The following TOGARAM1 variants were observed in gnomAD, a reference collection of about 807,000 sequenced individuals.
TOGARAM1 encodes TOG array regulator of axonemal microtubules 1.
Under a neutral mutation model 166.6 loss-of-function variants are expected in TOGARAM1, and 100 were observed. The observed-to-expected ratio is 0.60, with a 90% CI of 0.51 to 0.71. The LOEUF is 0.71. Among genes scored for constraint, TOGARAM1 ranks in the 30% least tolerant of loss-of-function variants. The pLI, the probability that TOGARAM1 is intolerant of heterozygous loss-of-function variation, is 0.00. For synonymous variants in TOGARAM1, 758 were observed against 763.8 expected (o/e 0.99, Z 0.13); for missense variants, 2,029 against 2,102.7 (o/e 0.96, Z 0.69).
intron 1 of TOGARAM1, among the ~76,000 whole-genome samples, chr14:44,976,567 G>C (rs1886202353): frequency 6.6e-6 from 1 of 152,160 alleles, no homozygotes; most frequent in South Asian, 2.1e-4. Flanking sequence ...GGAGGCACTT[G>C]AAGATGTTTG....
At chr14:45,000,265 C>T (rs1219239255) in intron 3 of TOGARAM1, among the ~76,000 whole-genome samples, 2 of 152,166 alleles carry the variant, frequency 1.3e-5, no homozygotes, top group Non-Finnish European at 2.9e-5. Flanking sequence ...TCCCAAAGCA[C>T]TGGGATTATA....
chr14:45,071,127 G>A (rs1301942875), intron 18 of TOGARAM1, among the ~76,000 whole-genome samples: 1 of 151,926 alleles, frequency 6.6e-6, no homozygotes, highest in Non-Finnish European at 1.5e-5. Flanking sequence ...TCACTGTGCT[G>A]GCCAGGATGG....
At chr14:45,069,440 C>T (rs369403896) in intron 18 of TOGARAM1, among the ~76,000 whole-genome samples, 5 of 151,314 alleles carry the variant, frequency 3.3e-5, no homozygotes, top group Admixed American at 6.6e-5. Flanking sequence ...ATTTTCAAAC[C>T]GCATATTTGA....
chr14:45,026,093 G>A (rs1008961550), intron 8 of TOGARAM1, among the ~76,000 whole-genome samples: 4 of 152,080 alleles, frequency 2.6e-5, no homozygotes, highest in African/African-American at 9.7e-5. Context: ...AATTTTCAGA[G>A]AGATGTATTA....
chr14:45,042,339 T>C (rs1881766911), intron 11 of TOGARAM1: 1 of 151,988 alleles, frequency 6.6e-6, no homozygotes, highest in Non-Finnish European at 1.5e-5. Flanking sequence ...TTACCAAAAA[T>C]TGTAACTCTT....
intron 18 of TOGARAM1, among the ~76,000 whole-genome samples, chr14:45,070,218 G>A (rs1322034715): frequency 1.3e-5 from 2 of 152,068 alleles, no homozygotes; most frequent in East Asian, 1.9e-4. Context: ...TCATGTCCAC[G>A]TGGAATTTAT....
intron 3 of TOGARAM1, among the ~76,000 whole-genome samples, chr14:45,000,384 C>T (rs1022314377): frequency 6.6e-6 from 1 of 152,146 alleles, no homozygotes; most frequent in African/African-American, 2.4e-5. Flanking sequence ...TACCATCATT[C>T]TGCTCTCTAC....
At chr14:45,057,745 G>C (rs533215973) in intron 16 of TOGARAM1, among the ~76,000 whole-genome samples, 1 of 152,032 alleles carries the variant, frequency 6.6e-6, no homozygotes, top group African/African-American at 2.4e-5. Flanking sequence ...TATTTGTATA[G>C]TTCCTAAATT....
At chr14:45,036,717 C>T (rs1259422978) in intron 11 of TOGARAM1, among the ~76,000 whole-genome samples, 1 of 152,172 alleles carries the variant, frequency 6.6e-6, no homozygotes. Flanking sequence ...AAAGTATCAG[C>T]CAGGGATGTG....
intron 1 of TOGARAM1, chr14:44,995,377 A>G (rs1426993318): frequency 2.3e-6 from 1 of 430,382 alleles, no homozygotes; most frequent in East Asian, 7.0e-5. Context: ...GTGACCTTCA[A>G]CTGGCACTTA....
intron 16 of TOGARAM1, among the ~76,000 whole-genome samples, chr14:45,066,189 T>G (rs1883130072): frequency 6.6e-6 from 1 of 152,258 alleles, no homozygotes; most frequent in South Asian, 2.1e-4. Context: ...ATTTCACATA[T>G]GTTGTCATAA....
chr14:45,034,853 G>A (rs1457117212), intron 11 of TOGARAM1, among the ~76,000 whole-genome samples: 1 of 152,074 alleles, frequency 6.6e-6, no homozygotes, highest in African/African-American at 2.4e-5. Context: ...AGAGAAGCAG[G>A]AAAATATAAC....
chr14:45,025,469 C>G (rs1043164967), intron 7 of TOGARAM1: 3 of 192,466 alleles, frequency 1.6e-5, no homozygotes, highest in Admixed American at 1.2e-4. Context: ...GAGGCTGAGG[C>G]AGGAGAATCG....
intron 6 of TOGARAM1, among the ~76,000 whole-genome samples, chr14:45,011,022 C>G (rs957437861): frequency 6.6e-6 from 1 of 152,126 alleles, no homozygotes; most frequent in African/African-American, 2.4e-5. Context: ...AAAATCTATT[C>G]TTTTTAATAT....
At chr14:45,047,177 A>G (rs1485274923) in intron 14 of TOGARAM1, among the ~76,000 whole-genome samples, 12 of 151,898 alleles carry the variant, frequency 7.9e-5, no homozygotes, top group African/African-American at 2.7e-4. Context: ...GGATCACGAG[A>G]TCAGGAGTTC....
intron 13 of TOGARAM1, among the ~76,000 whole-genome samples, chr14:45,045,579 ATATATGTGTGTGTG>A (rs1881981297): frequency 5.7e-5 from 2 of 34,982 alleles, no homozygotes; most frequent in African/African-American, 4.3e-4. Context: ...ATATATATAT[ATATATGTGTGTGTG>A]TGTGTGTGTG....
chr14:45,024,866 AT>A (rs1222411437), intron 7 of TOGARAM1, among the ~76,000 whole-genome samples: 2 of 152,246 alleles, frequency 1.3e-5, no homozygotes, highest in African/African-American at 4.8e-5. Flanking sequence ...TTAAAAATCA[AT>A]TATTTGATTG....
intron 1 of TOGARAM1, among the ~76,000 whole-genome samples, chr14:44,964,797 A>G (rs773461866): frequency 2.0e-5 from 3 of 152,164 alleles, no homozygotes; most frequent in Non-Finnish European, 2.9e-5. Flanking sequence ...AAAGAGCTAA[A>G]TTCTGGGAAT....
At chr14:44,994,895 A>G (rs1188471163) in intron 1 of TOGARAM1, among the ~76,000 whole-genome samples, 1 of 152,220 alleles carries the variant, frequency 6.6e-6, no homozygotes, top group African/African-American at 2.4e-5. Flanking sequence ...ATATACTGAC[A>G]AGGTTTTTAG....
Sources: allele counts gnomAD v4.1 joint callset (sites outside exome capture counted in the v4.1 genomes callset), GRCh38; gene constraint gnomAD v4.1.1; transcripts MANE v1.5; gene names NCBI Gene and HGNC (gene_info 2026-07-23, HGNC 2026-07-21).